COBL: variants seen among roughly 807,000 people sequenced by gnomAD.
COBL encodes cordon-bleu WH2 repeat protein.
COBL carries 51 observed loss-of-function variants against 98.8 expected under a neutral mutation model. That is an observed-to-expected ratio of 0.52 (90% CI 0.41 to 0.65). The LOEUF (loss-of-function observed/expected upper bound fraction) is 0.65, where lower values mean the gene tolerates loss of function less well. Among genes scored for constraint, COBL ranks in the 30% least tolerant of loss-of-function variants. The pLI is 0.00. For missense variants in COBL, 1,617 were observed against 1,617.5 expected, an observed-to-expected ratio of 1.00 and a Z score of 0.01; for synonymous variants, 634 against 651.7, an observed-to-expected ratio of 0.97 and a Z score of 0.41.
At chr7:51,219,375 C>T (rs1245680796) in intron 2 of COBL, among the ~76,000 whole-genome samples, 3 of 152,158 alleles carry the variant, frequency 2.0e-5, no homozygotes, top group Non-Finnish European at 4.4e-5. Context: ...CTCCTGGCTG[C>T]GTCCCTTCAG....
rs868754862 is a variant in COBL at position 51,158,452 on chromosome 7, C to T, written c.784-22121G>A. Among the ~76,000 whole-genome samples, 7 of 149,898 alleles carry T rather than the reference C, an allele frequency of 4.7e-5. 1 individual carries two copies. Among genetic ancestry groups the T allele is most frequent in the African/African-American group, 1.2e-4 (5 of 40,964 alleles). ...GCTCAACAGGAAGAAAAGGGAAGGA[C>T]TATAGGTCCGCCTGGGACATATTTA... On this transcript the variant is annotated intron_variant, in intron 5 of 12. Transcript: ENST00000265136.
chr7:51,056,353 C>T (rs1330814390), intron 7 of COBL, among the ~76,000 whole-genome samples: 1 of 151,744 alleles, frequency 6.6e-6, no homozygotes, highest in Non-Finnish European at 1.5e-5. Context: ...AGAGCCTCTA[C>T]ATCCCAGGTG....
intron 7 of COBL, among the ~76,000 whole-genome samples, chr7:51,058,283 C>T (rs1022697092): frequency 6.6e-6 from 1 of 152,080 alleles, no homozygotes; most frequent in East Asian, 1.9e-4. Flanking sequence ...TACCGTGACT[C>T]GCATCTGTAA....
Position 51,043,682 on chromosome 7 carries a change from G to A in COBL, c.1107C>T (p.Pro369=), listed in dbSNP as rs779910300. 5.6e-6 allele frequency: 9 copies of A among 1,613,198 alleles called. No individual in the cohort carries two copies. The highest frequency in any genetic ancestry group is 1.7e-5 in the Admixed American group (1 of 60,004). Residue 369 remains proline (P), a synonymous_variant, in exon 8 of 13, where the codon CCC becomes CCT. Coordinates refer to ENST00000265136, the MANE Select transcript of COBL (RefSeq NM_015198.5). ...GGCTGCAGTGGCTGCCAGACCCCAG[G>A]GGCAGGCTTACTGGACAAGACACGG... is the stretch of plus-strand genomic sequence containing the variant. ...ENRKSTMVSL[P]LGSGSHCSPD...
At chr7:51,051,802 T>A (rs1211058182) in intron 7 of COBL, among the ~76,000 whole-genome samples, 1 of 152,226 alleles carries the variant, frequency 6.6e-6, no homozygotes, top group Non-Finnish European at 1.5e-5. Flanking sequence ...TCCATCTGGA[T>A]AGGGTGGCCA....
At chr7:51,263,326 G>T (rs1414823998) in intron 1 of COBL, among the ~76,000 whole-genome samples, 1 of 152,200 alleles carries the variant, frequency 6.6e-6, no homozygotes, top group East Asian at 1.9e-4. Flanking sequence ...GCACTCCCAC[G>T]TGTGAGAAGG....
At position 51,085,264 on chromosome 7, in the gene COBL, C is replaced by A. The variant is rs147232176; in HGVS notation, c.998G>T (p.Arg333Leu). The change falls in exon 7 of 13, where the codon CGG becomes CTG. Residue 333 changes from arginine to leucine, a missense_variant. Arg to Leu is a moderately radical substitution (Grantham distance 102). This residue lies in a region of COBL where 1,304 missense variants were observed against 1,282.0 expected (regional missense o/e 1.02). Coordinates refer to ENST00000265136, the MANE Select transcript of COBL (RefSeq NM_015198.5). ...GSQIDLQKKK[R>L]RAPAPPPPQP... ...TGGTGGAGGGGGAGCTGGCGCTCGC[C>A]GCTTCTTCTTCTGTAAATCAATCTG... is the stretch of plus-strand genomic sequence containing the variant. The A allele has an allele frequency of 3.2e-6, 5 of 1,585,448 alleles. No individual in the cohort carries two copies. The highest frequency in any genetic ancestry group is 1.7e-5 in the Admixed American group (1 of 57,586).
intron 1 of COBL, among the ~76,000 whole-genome samples, chr7:51,308,477 C>T (rs1413180334): frequency 1.3e-5 from 2 of 152,172 alleles, no homozygotes; most frequent in African/African-American, 4.8e-5. Flanking sequence ...TGTTCCTTAG[C>T]CTTAGTTTGC....
intron 7 of COBL, among the ~76,000 whole-genome samples, chr7:51,053,726 C>A (rs888217638): frequency 2.0e-5 from 3 of 152,236 alleles, no homozygotes; most frequent in Non-Finnish European, 4.4e-5. Flanking sequence ...CCCCACCTGG[C>A]ACAGGGCCCC....
intron 5 of COBL, among the ~76,000 whole-genome samples, chr7:51,159,127 CCCGGCCGCGCGCACCTG>C (rs1336106894): frequency 6.6e-6 from 1 of 152,144 alleles, no homozygotes; most frequent in Non-Finnish European, 1.5e-5. Flanking sequence ...CTCTGCAGCC[CCCGGCCGCGCGCACCTG>C]GCGGCCGCGC....
At chr7:51,175,905 A>C (rs1788325337) in intron 5 of COBL, among the ~76,000 whole-genome samples, 1 of 152,182 alleles carries the variant, frequency 6.6e-6, no homozygotes, top group Admixed American at 6.5e-5. Flanking sequence ...TATTCATCCC[A>C]TAAATTTACC....
chr7:51,213,455 G>A (rs575391040), intron 2 of COBL, among the ~76,000 whole-genome samples: 7 of 152,270 alleles, frequency 4.6e-5, no homozygotes, highest in Admixed American at 2.6e-4. Flanking sequence ...TCCCCAGCCT[G>A]GTCTGTGGAA....
At chr7:51,268,803 T>A (rs565686051) in intron 1 of COBL, among the ~76,000 whole-genome samples, 198 of 151,848 alleles carry the variant, frequency 1.3e-3, no homozygotes, top group African/African-American at 4.7e-3. Context: ...GGTGGCAGGT[T>A]CCTGTAGTCC....
chr7:51,227,422 T>C (rs1042325781), intron 1 of COBL, among the ~76,000 whole-genome samples: 2 of 152,150 alleles, frequency 1.3e-5, no homozygotes, highest in African/African-American at 4.8e-5. Context: ...CAGATTAGTC[T>C]CAAGCATCCC....
At chr7:51,072,122 C>CAT (rs1489917927) in intron 7 of COBL, 1 of 151,358 alleles carries the variant, frequency 6.6e-6, no homozygotes, top group Non-Finnish European at 1.5e-5. Flanking sequence ...AACAATCCTA[C>CAT]ATGTCAGGAA....
chr7:51,219,590 A>T (rs1417803836), intron 2 of COBL, 151 bp downstream of exon 2: 18 of 760,344 alleles, frequency 2.4e-5, no homozygotes, highest in Non-Finnish European at 3.4e-5. Context: ...GCCTGCTCTA[A>T]GTAGTCACTA....
rs776725428 is a variant in COBL at position 51,136,312 on chromosome 7, T to C, written c.803A>G (p.Asn268Ser). The change falls in exon 6 of 13, where the codon AAC (asparagine) becomes AGC (serine). Residue 268 changes from asparagine (N) to serine (S), a missense_variant. Transcript: ENST00000265136. ...AGAACGTGAGTGCATGGATGGGGAG[T>C]TGGGGGTCGTTAAACAGCCCTGTTG... ...SNSKGCLTTPNSPSMHSRSLT... is the reference protein window; with the variant it reads ...SNSKGCLTTPSSPSMHSRSLT... 13 of 1,611,886 alleles carry C rather than the reference T, an allele frequency of 8.1e-6. No individual in the cohort carries two copies. In the Admixed American group the frequency reaches 1.2e-4, roughly 15 times the overall value.
chr7:51,148,323 C>G (rs548863182), intron 5 of COBL, among the ~76,000 whole-genome samples: 1 of 152,132 alleles, frequency 6.6e-6, no homozygotes, highest in Non-Finnish European at 1.5e-5. Context: ...TCACAGCTCA[C>G]GCTCCACCTC....
intron 1 of COBL, among the ~76,000 whole-genome samples, chr7:51,238,097 C>T (rs893688867): frequency 3.9e-5 from 6 of 152,248 alleles, no homozygotes; most frequent in African/African-American, 1.2e-4. Flanking sequence ...TGCTGACAGC[C>T]AGCAGTGACC....
Sources: allele counts gnomAD v4.1 joint callset (sites outside exome capture counted in the v4.1 genomes callset), GRCh38; gene constraint gnomAD v4.1.1; regional missense constraint gnomAD v4.1.1; transcripts MANE v1.5; gene names NCBI Gene and HGNC (gene_info 2026-07-23, HGNC 2026-07-21).